MICU3: variants seen among roughly 807,000 people sequenced by gnomAD.
The protein encoded by MICU3 is mitochondrial calcium uptake 3.
Under a neutral mutation model 66.5 loss-of-function variants are expected in MICU3, and 62 were observed. The observed-to-expected ratio is 0.93, with a 90% CI of 0.76 to 1.15. The LOEUF (loss-of-function observed/expected upper bound fraction) is 1.15, where lower values mean the gene tolerates loss of function less well. Among genes scored for constraint, MICU3 ranks in the 50% most tolerant of loss-of-function variants. The pLI, the probability that MICU3 is intolerant of heterozygous loss-of-function variation, is 0.00. For synonymous variants in MICU3, 308 were observed against 240.7 expected (o/e 1.28, Z -2.59); for missense variants, 779 against 664.4 (o/e 1.17, Z -1.90).
At chr8:17,086,858 G>A (rs1799526457) in intron 6 of MICU3, 106 bp from the exon 7 acceptor site, 6 of 697,308 alleles carry the variant, frequency 8.6e-6, no homozygotes, top group Non-Finnish European at 1.5e-5. Flanking sequence ...GTTCTTGGTG[G>A]ATGAAGCTGT....
downstream of MICU3, among the ~76,000 whole-genome samples, chr8:17,123,590 T>C (rs1035726294): frequency 1.1e-4 from 16 of 152,238 alleles, no homozygotes; most frequent in South Asian, 1.9e-3. Flanking sequence ...TCTCGAATGT[T>C]GCTGGTGAGC....
At chr8:17,044,552 C>T (rs560991705) in intron 1 of MICU3, among the ~76,000 whole-genome samples, 1 of 152,174 alleles carries the variant, frequency 6.6e-6, no homozygotes, top group South Asian at 2.1e-4. Flanking sequence ...TTGGTGAAAA[C>T]ATTGTGGTAT....
intron 1 of MICU3, among the ~76,000 whole-genome samples, chr8:17,043,012 T>G (rs1016113686): frequency 2.9e-5 from 4 of 136,650 alleles, no homozygotes; most frequent in African/African-American, 1.1e-4. Flanking sequence ...CTATCCCGGC[T>G]CACTGCAAGC....
intron 1 of MICU3, among the ~76,000 whole-genome samples, chr8:17,036,580 T>A (rs1813031956): frequency 1.3e-5 from 2 of 152,102 alleles, no homozygotes; most frequent in Non-Finnish European, 1.5e-5. Flanking sequence ...GATACAGAGT[T>A]TCGACACACA....
intron 11 of MICU3, among the ~76,000 whole-genome samples, chr8:17,107,022 G>A (rs1801801690): frequency 6.6e-6 from 1 of 151,984 alleles, no homozygotes; most frequent in South Asian, 2.1e-4. Context: ...TTTCTAAATT[G>A]CTTTCATTTT....
chr8:17,091,883 G>T (rs1025228253), intron 8 of MICU3, among the ~76,000 whole-genome samples: 8 of 151,734 alleles, frequency 5.3e-5, no homozygotes, highest in Non-Finnish European at 1.0e-4. Context: ...TTTTTTGTTT[G>T]TTTGGTGTTT....
At chr8:17,129,360 A>G in the MICU3 span, among the ~76,000 whole-genome samples, 2 of 152,230 alleles carry the variant, frequency 1.3e-5, no homozygotes, top group African/African-American at 4.8e-5. Flanking sequence ...TTAGCAGATA[A>G]AAACTTTAAG....
chr8:17,083,056 C>T (rs965392785), intron 5 of MICU3, among the ~76,000 whole-genome samples: 1 of 151,990 alleles, frequency 6.6e-6, no homozygotes, highest in African/African-American at 2.4e-5. Context: ...ATGAATTTCC[C>T]GAGCATTCAG....
chr8:17,098,619 T>C, intron 9 of MICU3, 66 bp downstream of exon 9: 1 of 1,084,000 alleles, frequency 9.2e-7, no homozygotes, highest in Non-Finnish European at 1.4e-6. Context: ...CGTCATTTCA[T>C]TTTAGTCACA....
intron 8 of MICU3, among the ~76,000 whole-genome samples, chr8:17,090,918 C>G (rs1217533663): frequency 6.6e-6 from 1 of 152,044 alleles, no homozygotes; most frequent in African/African-American, 2.4e-5. Flanking sequence ...AGGCTATGTT[C>G]CTGCAGAACA....
At chr8:17,102,626 A>G (rs753721692) in intron 9 of MICU3, 5 of 151,934 alleles carry the variant, frequency 3.3e-5, no homozygotes, top group Non-Finnish European at 5.9e-5. Flanking sequence ...AGCTACTCCA[A>G]TTATACTAGT....
chr8:17,087,183 G>T lies in MICU3; in HGVS notation c.849+148G>T, dbSNP rs983797105. 1.0e-5 allele frequency: 6 copies of T among 571,996 alleles called. No homozygotes were observed. In the East Asian group the frequency reaches 1.8e-4, roughly 17 times the overall value. The allele number at this position is 571,996 out of a possible 1,614,324, so 35.4% of individuals were successfully genotyped here. On this transcript the variant is annotated intron_variant, in intron 7 of 14. Coordinates refer to ENST00000318063, the MANE Select transcript of MICU3 (RefSeq NM_181723.3). ...GTTTTTATGTAGAAAAATTGCTTCA[G>T]TATTTATATGCATTGATATCAATAT...
chr8:17,108,027 T>TTGGA (rs1425835479), intron 11 of MICU3, among the ~76,000 whole-genome samples: 3 of 152,090 alleles, frequency 2.0e-5, no homozygotes, highest in African/African-American at 7.2e-5. Context: ...CAGATATTGA[T>TTGGA]TGGATCATTT....
At chr8:17,096,000 C>T (rs922948741) in intron 8 of MICU3, among the ~76,000 whole-genome samples, 2 of 151,956 alleles carry the variant, frequency 1.3e-5, no homozygotes, top group Non-Finnish European at 2.9e-5. Context: ...TTGGCTGTGC[C>T]TTTCACTTGT....
chr8:17,102,421 TAAG>T lies in MICU3; in HGVS notation c.985-1967_985-1965del, dbSNP rs1801345450. 4 of 152,128 alleles carry T rather than the reference TAAG, an allele frequency of 2.6e-5. No homozygotes were observed. The South Asian group carries it at 8.3e-4, about 32-fold the overall frequency. The allele number at this position is 152,128 out of a possible 1,614,324, so 9.4% of individuals were successfully genotyped here. ...GTTATTTGCATCTTATGACTACTAA[TAAG>T]AACATTTGTTTGCTTATATTTTAAC... On this transcript the variant is annotated intron_variant, in intron 9 of 14. Coordinates refer to ENST00000318063, the MANE Select transcript of MICU3 (RefSeq NM_181723.3).
intron 3 of MICU3, among the ~76,000 whole-genome samples, chr8:17,076,672 T>G (rs1820430453): frequency 2.0e-5 from 3 of 152,220 alleles, no homozygotes; most frequent in Non-Finnish European, 4.4e-5. Context: ...TCAGAAAGCA[T>G]TTTTAGGTAC....
At chr8:17,066,532 T>TATATATAG (rs1818721761) in intron 2 of MICU3, among the ~76,000 whole-genome samples, 1 of 131,538 alleles carries the variant, frequency 7.6e-6, no homozygotes, top group African/African-American at 3.0e-5. Flanking sequence ...TATATATATA[T>TATATATAG]ATATATATAG....
rs778110266 is a variant in MICU3, at chr8:17,098,513, G to C, written c.944G>C (p.Arg315Thr). Residue 315 changes from arginine (R) to threonine (T), a missense_variant, in exon 9 of 15, where the codon AGA (arginine) becomes ACA (threonine). Arg to Thr is a moderately conservative substitution (Grantham distance 71, BLOSUM62 -1). Transcript: ENST00000318063. ...TCCAGAAGCTATTGGGATACACTGA[G>C]ACGTAACACAAGCCAAGCACTGTTT... ...LVSRSYWDTL[R>T]RNTSQALFSD... The C allele has an allele frequency of 1.9e-6, 3 of 1,611,660 alleles. No individual in the cohort carries two copies.
intron 9 of MICU3, among the ~76,000 whole-genome samples, chr8:17,100,760 A>G (rs1053545855): frequency 3.3e-5 from 5 of 151,774 alleles, no homozygotes; most frequent in African/African-American, 1.2e-4. Flanking sequence ...CTGTGAAACC[A>G]TATAATGAAA....
Sources: gnomAD v4.1 joint callset for allele counts (sites outside exome capture counted in the v4.1 genomes callset) on GRCh38, gnomAD v4.1.1 for gene constraint, MANE v1.5 for transcripts, NCBI Gene and HGNC (gene_info 2026-07-23, HGNC 2026-07-21) for gene names.